Variants in MYO3B observed in about 807,000 individuals in gnomAD.
MYO3B encodes the protein myosin IIIB.
In MYO3B, 156 loss-of-function variants were observed where a neutral mutation model predicts 174.6. That is an observed-to-expected ratio of 0.89 (90% CI 0.78 to 1.02). The LOEUF (loss-of-function observed/expected upper bound fraction) is 1.02. Ranked by LOEUF, MYO3B falls within the 50% of genes least tolerant of loss-of-function variation. The pLI is 0.00. For missense variants in MYO3B, 1,632 were observed against 1,639.4 expected (o/e 1.00, Z 0.08); for synonymous variants, 563 against 569.1 (o/e 0.99, Z 0.15).
chr2:170,351,614 T>G (rs1470006080), intron 8 of MYO3B, among the ~76,000 whole-genome samples: 3 of 151,782 alleles, frequency 2.0e-5, no homozygotes, highest in Non-Finnish European at 4.4e-5. Context: ...ATTACTAGAA[T>G]AGGAGGGTGG....
In MYO3B at chr2:170,653,808, C is replaced by T. The variant is rs1699146847; in HGVS notation, c.*687C>T. 1 of 152,250 alleles carries T rather than the reference C, an allele frequency of 6.6e-6. No individual in the cohort carries two copies. Among genetic ancestry groups the T allele is most frequent in the Non-Finnish European group, 1.5e-5 (1 of 68,046 alleles). The allele number at this position is 152,250 out of a possible 1,614,324, so 9.4% of individuals were successfully genotyped here. Reference sequence around the variant, plus strand: ...TCACCTTGCCAAGACACCCACACTACTTTGGTGATGAAAAGAAAGGAATGA... The same window carrying T: ...TCACCTTGCCAAGACACCCACACTATTTTGGTGATGAAAAGAAAGGAATGA... On this transcript the variant is annotated 3_prime_UTR_variant, in exon 35 of 35. Coordinates refer to ENST00000408978, the MANE Select transcript of MYO3B (RefSeq NM_138995.5).
In MYO3B at chr2:170,206,060, G is replaced by T. The variant is rs892504856; in HGVS notation, c.321+5776G>T. Among the ~76,000 whole-genome samples the T allele has an allele frequency of 6.6e-6, 1 of 151,982 alleles. No homozygotes were observed. The highest frequency in any genetic ancestry group is 1.5e-5 in the Non-Finnish European group (1 of 67,990). On this transcript the variant is annotated intron_variant, in intron 3 of 34. Coordinates refer to ENST00000408978, the MANE Select transcript of MYO3B (RefSeq NM_138995.5). The surrounding 1 kb of genome is among the most constrained non-coding windows in gnomAD (Gnocchi z 4.3). ...TTCCTCCTCCATCTCCCTGCCCCAG[G>T]ATTCTGGCATCCTTTGTCCCAACAG...
chr2:170,204,967 A>G (rs963296907), intron 3 of MYO3B, among the ~76,000 whole-genome samples: 2 of 152,154 alleles, frequency 1.3e-5, no homozygotes, highest in Admixed American at 1.3e-4. Flanking sequence ...CCAAGTGCCC[A>G]GTCTTTTTTC....
chr2:170,311,971 T>A (rs1192284528), intron 7 of MYO3B, among the ~76,000 whole-genome samples: 1 of 152,246 alleles, frequency 6.6e-6, no homozygotes, highest in Non-Finnish European at 1.5e-5. Context: ...TCGCTTCTTA[T>A]GCCGGTAATC....
At position 170,543,935 on chromosome 2, in the gene MYO3B, A is replaced by G. The variant is rs1460658665; in HGVS notation, c.3680A>G (p.His1227Arg). The G allele has an allele frequency of 5.6e-6, 9 of 1,613,420 alleles. No homozygotes were observed. The highest frequency in any genetic ancestry group is 3.3e-4 in the Middle Eastern group (2 of 6,060). Reference sequence around the variant, plus strand: ...GATTTGCTGTCTTCTCGGATATGCCATCCTGCTCCAGATCAGCAAGGATTG... The same window carrying G: ...GATTTGCTGTCTTCTCGGATATGCCGTCCTGCTCCAGATCAGCAAGGATTG... Reference protein sequence around the residue: ...GTDLLSSRICHPAPDQQGLSL... With the variant: ...GTDLLSSRICRPAPDQQGLSL... Residue 1227 changes from histidine (H) to arginine (R), a missense_variant, in exon 32 of 35, where the codon CAT becomes CGT. His to Arg is a conservative substitution (Grantham distance 29). Coordinates refer to ENST00000408978, the MANE Select transcript of MYO3B (RefSeq NM_138995.5).
intron 23 of MYO3B, among the ~76,000 whole-genome samples, chr2:170,448,080 C>T (rs1480063105): frequency 6.6e-6 from 1 of 152,166 alleles, no homozygotes; most frequent in African/African-American, 2.4e-5. Context: ...CCTCCAGCTG[C>T]TTGACTCCTA....
intron 8 of MYO3B, among the ~76,000 whole-genome samples, chr2:170,353,669 T>C (rs980465509): frequency 6.6e-6 from 1 of 152,064 alleles, no homozygotes; most frequent in African/African-American, 2.4e-5. Context: ...CCGGGGTATA[T>C]GGGAAATCTC....
At chr2:170,259,913 A>C (rs60587169) in intron 7 of MYO3B, among the ~76,000 whole-genome samples, 7 of 152,042 alleles carry the variant, frequency 4.6e-5, no homozygotes, top group Admixed American at 4.6e-4. Flanking sequence ...AAGGACATGA[A>C]GAGATAGATA....
Position 170,303,405 on chromosome 2 carries a change from T to TA in MYO3B, c.750-31974dup, listed in dbSNP as rs1263790596. Among the ~76,000 whole-genome samples the TA allele has an allele frequency of 2.0e-5, 3 of 152,260 alleles. No individual in the cohort carries two copies. The East Asian group carries it at 5.8e-4, about 29-fold the overall frequency. ...AAAATCTCCATCCATCTTATGGGTG[T>TA]AAAAAATGGTATTTCACATTCTCAT... On this transcript the variant is annotated intron_variant, in intron 7 of 34. Coordinates refer to ENST00000408978, the MANE Select transcript of MYO3B (RefSeq NM_138995.5).
intron 1 of MYO3B, among the ~76,000 whole-genome samples, chr2:170,189,953 G>T (rs2092518978): frequency 6.6e-6 from 1 of 152,154 alleles, no homozygotes; most frequent in Non-Finnish European, 1.5e-5. Context: ...CACAGTCTGG[G>T]CTTGTTTGTA....
At chr2:170,645,639 C>T (rs377149088) in intron 32 of MYO3B, among the ~76,000 whole-genome samples, 3 of 152,056 alleles carry the variant, frequency 2.0e-5, no homozygotes, top group African/African-American at 4.8e-5. Context: ...TTCACTCTGC[C>T]GCTTACAAAT....
chr2:170,433,455 C>T (rs1446602062), intron 22 of MYO3B, among the ~76,000 whole-genome samples: 2 of 152,168 alleles, frequency 1.3e-5, no homozygotes, highest in African/African-American at 4.8e-5. Context: ...TCCAGAAGTT[C>T]AAAGCCAGAG....
intron 12 of MYO3B, among the ~76,000 whole-genome samples, chr2:170,384,491 A>G (rs1033463030): frequency 6.6e-6 from 1 of 152,160 alleles, no homozygotes. Context: ...TGAGGGTATC[A>G]ATGTGTGGAT....
chr2:170,561,039 G>T (rs569404300), intron 32 of MYO3B, among the ~76,000 whole-genome samples: 1 of 152,144 alleles, frequency 6.6e-6, no homozygotes, highest in African/African-American at 2.4e-5. Context: ...TTCAACTTGG[G>T]TTGCCATTAA....
At chr2:170,199,913 T>C (rs2105336789) in intron 2 of MYO3B, among the ~76,000 whole-genome samples, 1 of 152,316 alleles carries the variant, frequency 6.6e-6, no homozygotes, top group South Asian at 2.1e-4. Context: ...ATAAACATTA[T>C]TGATATAATT....
chr2:170,178,202 A>G lies in MYO3B; in HGVS notation c.-86A>G. On this transcript the variant is annotated 5_prime_UTR_variant, in exon 1 of 35. Coordinates refer to ENST00000408978, the MANE Select transcript of MYO3B (RefSeq NM_138995.5). ...ATACATTCTAGTCATCAAAGACACC[A>G]TTTTCTGGGCCTGAAGTGTTCTGCT... The G allele has an allele frequency of 6.4e-7, 1 of 1,555,826 alleles. No individual in the cohort carries two copies. Among genetic ancestry groups the G allele is most frequent in the Non-Finnish European group, 8.9e-7 (1 of 1,127,028 alleles).
At chr2:170,288,676 T>C (rs1317696394) in intron 7 of MYO3B, among the ~76,000 whole-genome samples, 1 of 152,144 alleles carries the variant, frequency 6.6e-6, no homozygotes, top group Non-Finnish European at 1.5e-5. Flanking sequence ...AAAGCTAATT[T>C]GACTTCTTCC....
At chr2:170,216,875 G>A (rs1019693549) in intron 5 of MYO3B, among the ~76,000 whole-genome samples, 1 of 129,220 alleles carries the variant, frequency 7.7e-6, no homozygotes, top group African/African-American at 3.3e-5. Context: ...ATATAGACAG[G>A]GATGTCCATT....
chr2:170,474,585 A>AAT (rs1685193907), intron 25 of MYO3B, among the ~76,000 whole-genome samples: 1 of 150,708 alleles, frequency 6.6e-6, no homozygotes, highest in Admixed American at 6.6e-5. Flanking sequence ...TAAAAAAAAA[A>AAT]AATAATAATA....
Sources: allele counts gnomAD v4.1 joint callset (sites outside exome capture counted in the v4.1 genomes callset), GRCh38; gene constraint gnomAD v4.1.1; non-coding constraint Gnocchi (gnomAD v3.1); transcripts MANE v1.5; gene names NCBI Gene and HGNC (gene_info 2026-07-23, HGNC 2026-07-21).